MYH9: variants seen among roughly 807,000 people sequenced by gnomAD.
MYH9 encodes myosin heavy chain 9, also known as myosin-9.
In MYH9, 29 loss-of-function variants were observed where a neutral mutation model predicts 241.9. That is an observed-to-expected ratio of 0.12 (90% CI 0.09 to 0.16). The LOEUF (loss-of-function observed/expected upper bound fraction) is 0.16, where lower values mean the gene tolerates loss of function less well. Among genes scored for constraint, MYH9 ranks in the 10% least tolerant of loss-of-function variants. The pLI is 1.00. For missense variants in MYH9, 1,803 were observed against 2,595.5 expected (o/e 0.69, Z 6.63); for synonymous variants, 1,047 against 1,062.6 (o/e 0.99, Z 0.29).
At chr22:36,315,307 G>A (rs150778899) in intron 12 of MYH9, among the ~76,000 whole-genome samples, 2 of 152,188 alleles carry the variant, frequency 1.3e-5, no homozygotes, top group East Asian at 1.9e-4. Flanking sequence ...TCAATGAGAG[G>A]TTAGTAAAAA....
At chr22:36,309,969 G>A (rs996561054) in intron 14 of MYH9, among the ~76,000 whole-genome samples, 3 of 152,292 alleles carry the variant, frequency 2.0e-5, no homozygotes, top group African/African-American at 7.2e-5. Context: ...AGAGATAGGG[G>A]CTGGGTGCGG....
In MYH9 at chr22:36,295,553, G is replaced by C. The variant is rs543021127; in HGVS notation, c.3437C>G (p.Thr1146Arg). Reference protein sequence around the residue: ...DLGEELEALKTELEDTLDSTA... With the variant: ...DLGEELEALKRELEDTLDSTA... ...GGAATCCAGCGTGTCCTCCAACTCTGTTTTCAGAGCCTCTAGCTCTTCCCC... is the reference window on the plus strand; with the variant it reads ...GGAATCCAGCGTGTCCTCCAACTCTCTTTTCAGAGCCTCTAGCTCTTCCCC... The change falls in exon 26 of 41, where the codon ACA (threonine) becomes AGA (arginine). Residue 1146 changes from threonine (T) to arginine (R), a missense_variant. Physicochemically the swap from Thr to Arg is moderately conservative, Grantham distance 71. Coordinates refer to ENST00000216181, the MANE Select transcript of MYH9 (RefSeq NM_002473.6). The surrounding 1 kb of genome is among the most constrained non-coding windows in gnomAD (Gnocchi z 4.1). 7 of 1,613,824 alleles carry C rather than the reference G, an allele frequency of 4.3e-6. No homozygotes were observed. The African/African-American group carries it at 9.3e-5, about 22-fold the overall frequency.
intron 1 of MYH9, among the ~76,000 whole-genome samples, chr22:36,382,235 G>T (rs2018268698): frequency 6.6e-6 from 1 of 152,212 alleles, no homozygotes; most frequent in South Asian, 2.1e-4. Flanking sequence ...AGCACTCTGG[G>T]AGGCCAAGGC....
rs1040168983 is a variant in MYH9 at position 36,330,193 on chromosome 22, T to C, written c.491-2705A>G. On this transcript the variant is annotated intron_variant, in intron 3 of 40. Coordinates refer to ENST00000216181, the MANE Select transcript of MYH9 (RefSeq NM_002473.6). This position sits in a 1 kb window ranked among gnomAD's most constrained non-coding sequence, Gnocchi z 4.5. Reference sequence around the variant, plus strand: ...AATTCCTGAAGCCAATTTACCACTGTCAACACAGCCTAACCATACCTTAAA... The same window carrying C: ...AATTCCTGAAGCCAATTTACCACTGCCAACACAGCCTAACCATACCTTAAA... 6.6e-6 allele frequency among the ~76,000 whole-genome samples: 1 copy of C among 152,220 alleles called. No homozygotes were observed. The highest frequency in any genetic ancestry group is 1.5e-5 in the Non-Finnish European group (1 of 68,048).
intron 2 of MYH9, among the ~76,000 whole-genome samples, chr22:36,348,319 G>A (rs879494029): frequency 6.0e-5 from 9 of 150,802 alleles, no homozygotes; most frequent in East Asian, 1.9e-4. Flanking sequence ...GACCAGCCTC[G>A]CCAACATGGT....
At chr22:36,364,299 G>A (rs1268059399) in intron 1 of MYH9, among the ~76,000 whole-genome samples, 1 of 152,210 alleles carries the variant, frequency 6.6e-6, no homozygotes, top group African/African-American at 2.4e-5. Context: ...CTCCAAGGCA[G>A]AGATCGGGTC....
intron 1 of MYH9, among the ~76,000 whole-genome samples, chr22:36,368,412 C>T (rs1052048242): frequency 6.6e-6 from 1 of 152,202 alleles, no homozygotes; most frequent in Non-Finnish European, 1.5e-5. Context: ...CCAGGTCTTC[C>T]ATCCCTAACC....
chr22:36,296,848 C>T lies in MYH9; in HGVS notation c.3267G>A (p.Leu1089=). 1 of 1,609,498 alleles carries T rather than the reference C, an allele frequency of 6.2e-7. No individual in the cohort carries two copies. The highest frequency in any genetic ancestry group is 8.5e-7 in the Non-Finnish European group (1 of 1,178,678). Residue 1089 remains leucine (L), a synonymous_variant, in exon 25 of 41, where the codon CTG becomes CTA. Coordinates refer to ENST00000216181, the MANE Select transcript of MYH9 (RefSeq NM_002473.6). ...CGGGCAGGCGGGGTCCTCACCTGGC[C>T]AGGGCGGCCTGGAGCTCCTCCTCTT... ...AKKEEELQAA[L]ARVEEEAAQK... is the part of the protein sequence containing the mutation.
intron 1 of MYH9, among the ~76,000 whole-genome samples, chr22:36,364,052 C>G (rs1281458006): frequency 6.6e-6 from 1 of 152,236 alleles, no homozygotes; most frequent in Admixed American, 6.5e-5. Context: ...CGGCCACCGT[C>G]TCAGTGGGAA....
rs2016488136 is a variant in MYH9 at position 36,281,523 on chromosome 22, C to T, written c.*1145G>A. 1 of 227,376 alleles carries T rather than the reference C, an allele frequency of 4.4e-6. No homozygotes were observed. The allele number at this position is 227,376 out of a possible 1,614,324, so 14.1% of individuals were successfully genotyped here. A position where few individuals can be genotyped will look rare whatever the true frequency, so the allele number is the denominator to read the frequency against. Reference sequence around the variant, plus strand: ...TGTTTCCTTTAAAAAAAAAAAATGCCTTCTTGCCGTAAGTCTCAATGCAGC... The same window carrying T: ...TGTTTCCTTTAAAAAAAAAAAATGCTTTCTTGCCGTAAGTCTCAATGCAGC... On this transcript the variant is annotated 3_prime_UTR_variant, in exon 41 of 41. Transcript: ENST00000216181.
chr22:36,321,624 T>A, intron 7 of MYH9, 134 bp downstream of exon 7: 1 of 860,962 alleles, frequency 1.2e-6, no homozygotes, highest in Non-Finnish European at 2.0e-6. Context: ...GACAGTCCCC[T>A]AGCTCCACAG....
intron 1 of MYH9, among the ~76,000 whole-genome samples, chr22:36,369,386 C>T (rs1233958437): frequency 6.6e-6 from 1 of 152,214 alleles, no homozygotes; most frequent in Non-Finnish European, 1.5e-5. Flanking sequence ...TACCCACCTC[C>T]CCCTCGCCCT....
At chr22:36,371,397 GGA>G (rs1235360591) in intron 1 of MYH9, among the ~76,000 whole-genome samples, 3 of 152,190 alleles carry the variant, frequency 2.0e-5, no homozygotes, top group Admixed American at 6.5e-5. Flanking sequence ...TATGAGCCAA[GGA>G]GAGAGGGCTC....
At chr22:36,366,400 G>A (rs55742392) in intron 1 of MYH9, among the ~76,000 whole-genome samples, 2,242 of 152,064 alleles carry the variant, frequency 0.015, 37 homozygotes, top group Non-Finnish European at 0.024. Context: ...GGGTCGGGGG[G>A]AGTGTCCCAC....
chr22:36,302,792 A>G (rs1338500240), intron 19 of MYH9, 116 bp from the exon 20 acceptor site: 13 of 836,038 alleles, frequency 1.6e-5, no homozygotes, highest in Non-Finnish European at 2.6e-5. Flanking sequence ...GCACCTCAAG[A>G]AAGAAATTCA....
intron 5 of MYH9, among the ~76,000 whole-genome samples, chr22:36,324,277 T>C (rs1282039614): frequency 6.6e-6 from 1 of 152,280 alleles, no homozygotes; most frequent in Admixed American, 6.5e-5. Context: ...TTTTCTCTAC[T>C]GACATCTAAT....
chr22:36,301,559 G>T lies in MYH9; in HGVS notation c.2606C>A (p.Thr869Lys), dbSNP rs757448185. The T allele has an allele frequency of 3.7e-6, 6 of 1,613,630 alleles. No individual in the cohort carries two copies. Among genetic ancestry groups the T allele is most frequent in the Non-Finnish European group, 4.2e-6 (5 of 1,180,030 alleles). The change falls in exon 21 of 41, where the codon ACG becomes AAG. Residue 869 changes from threonine to lysine, a missense_variant. By Grantham distance (78) the Thr-to-Lys change is moderately conservative. Transcript: ENST00000216181. Reference sequence around the variant, plus strand: ...CTGAGACTGCAGCGTCTCCATCTCCGTGAGCCTGTTCTCCGCAGCCAGCTG... The same window carrying T: ...CTGAGACTGCAGCGTCTCCATCTCCTTGAGCCTGTTCTCCGCAGCCAGCTG... ...EKQLAAENRL[T>K]EMETLQSQLM...
At chr22:36,378,868 A>G (rs1306269528) in intron 1 of MYH9, among the ~76,000 whole-genome samples, 2 of 152,174 alleles carry the variant, frequency 1.3e-5, no homozygotes. Context: ...GCTTAAATGA[A>G]GCCTCCTGAT....
rs561834870 is a variant in MYH9, at chr22:36,366,597, G to C, written c.-19-17342C>G. Among the ~76,000 whole-genome samples the C allele has an allele frequency of 3.3e-4, 50 of 152,250 alleles. 1 individual carries two copies. Among genetic ancestry groups the C allele is most frequent in the Admixed American group, 5.9e-4 (9 of 15,286 alleles). On this transcript the variant is annotated intron_variant, in intron 1 of 40. Transcript: ENST00000216181. Reference sequence around the variant, plus strand: ...CTTGCCTAGGTACAGGGTTTCCCGGGAACATCCCTGCCGATGTGCAGGGGC... The same window carrying C: ...CTTGCCTAGGTACAGGGTTTCCCGGCAACATCCCTGCCGATGTGCAGGGGC...
Sources: allele counts gnomAD v4.1 joint callset (sites outside exome capture counted in the v4.1 genomes callset), GRCh38; gene constraint gnomAD v4.1.1; non-coding constraint Gnocchi (gnomAD v3.1); transcripts MANE v1.5; gene names NCBI Gene and HGNC (gene_info 2026-07-23, HGNC 2026-07-21).